ABLIM2: variants seen among roughly 807,000 people sequenced by gnomAD.
The protein encoded by ABLIM2 is actin-binding LIM protein 2.
ABLIM2 carries 53 observed loss-of-function variants against 97.7 expected under a neutral mutation model. That is an observed-to-expected ratio of 0.54 (90% CI 0.44 to 0.68). ABLIM2 has a LOEUF of 0.68. Among genes scored for constraint, ABLIM2 ranks in the 30% least tolerant of loss-of-function variants. The pLI is 0.00. For missense variants in ABLIM2, 835 were observed against 867.2 expected, an observed-to-expected ratio of 0.96 and a Z score of 0.47; for synonymous variants, 361 against 345.8, an observed-to-expected ratio of 1.04 and a Z score of -0.49.
In ABLIM2 at chr4:7,986,470, T is replaced by A. The variant is rs1011986507; in HGVS notation, c.1681-1577A>T. On this transcript the variant is annotated intron_variant, in intron 17 of 20. Coordinates refer to ENST00000447017, the MANE Select transcript of ABLIM2 (RefSeq NM_001130083.2). This position sits in a 1 kb window ranked among gnomAD's most constrained non-coding sequence, Gnocchi z 4.3. ...CAGAGGACTGGAACTGGTCTCTATT[T>A]ACATTTTTGCTATTTTGTTTATCGT... Among the ~76,000 whole-genome samples the A allele has an allele frequency of 6.6e-6, 1 of 152,214 alleles. No homozygotes were observed. The highest frequency in any genetic ancestry group is 2.4e-5 in the African/African-American group (1 of 41,444).
chr4:8,056,376 C>T (rs1182310438), intron 7 of ABLIM2, among the ~76,000 whole-genome samples: 1 of 149,006 alleles, frequency 6.7e-6, no homozygotes, highest in Non-Finnish European at 1.5e-5. Context: ...ATATAGCTCA[C>T]TGCAGCCCCC....
intron 1 of ABLIM2, among the ~76,000 whole-genome samples, chr4:8,154,845 T>TC (rs1435983639): frequency 6.6e-6 from 1 of 152,216 alleles, no homozygotes; most frequent in Non-Finnish European, 1.5e-5. Context: ...GAAATAGGTT[T>TC]CATGGACTTA....
intron 1 of ABLIM2, among the ~76,000 whole-genome samples, chr4:8,110,012 T>G (rs1301847785): frequency 6.6e-6 from 1 of 152,244 alleles, no homozygotes; most frequent in Non-Finnish European, 1.5e-5. Context: ...GTGAAGGCTT[T>G]CTGGGCTGGA....
intron 20 of ABLIM2, among the ~76,000 whole-genome samples, chr4:7,976,788 A>AGTATACACACATACACAT: frequency 6.6e-6 from 1 of 152,082 alleles, no homozygotes. Flanking sequence ...CATACACACA[A>AGTATACACACATACACAT]GTATACACAC....
chr4:8,048,203 C>A (rs902711802), intron 8 of ABLIM2, among the ~76,000 whole-genome samples: 1 of 152,238 alleles, frequency 6.6e-6, no homozygotes, highest in Non-Finnish European at 1.5e-5. Flanking sequence ...GCCTGATTTT[C>A]CCCAGTGGGA....
At chr4:8,086,183 C>T (rs975875785) in intron 4 of ABLIM2, among the ~76,000 whole-genome samples, 1 of 151,194 alleles carries the variant, frequency 6.6e-6, no homozygotes, top group Non-Finnish European at 1.5e-5. Flanking sequence ...TCTAGGGGTC[C>T]GGGGAACATT....
At position 8,140,501 on chromosome 4, in the gene ABLIM2, G is replaced by A. The variant is rs1263022935; in HGVS notation, c.10+18179C>T. Among the ~76,000 whole-genome samples the A allele has an allele frequency of 2.0e-5, 3 of 152,216 alleles. No individual in the cohort carries two copies. The East Asian group carries it at 5.8e-4, about 29-fold the overall frequency. The stretch of plus-strand genomic sequence containing the variant: ...CTGGCGGGGAGCATGGGGGAAAGGG[G>A]GCAGTGACACGGGGGCCTTGCCTGC... On this transcript the variant is annotated intron_variant, in intron 1 of 20. Coordinates refer to ENST00000447017, the MANE Select transcript of ABLIM2 (RefSeq NM_001130083.2). The surrounding 1 kb of genome is among the most constrained non-coding windows in gnomAD (Gnocchi z 5.9).
At chr4:8,105,276 CT>C (rs1268136523) in intron 2 of ABLIM2, among the ~76,000 whole-genome samples, 3 of 152,198 alleles carry the variant, frequency 2.0e-5, no homozygotes, top group African/African-American at 7.2e-5. Context: ...GCATCCCCCC[CT>C]ACACACATAT....
In ABLIM2 at chr4:8,046,905, C is replaced by A. The variant is rs982954386; in HGVS notation, c.823-1664G>T. On this transcript the variant is annotated intron_variant, in intron 8 of 20. Transcript: ENST00000447017. This position sits in a 1 kb window ranked among gnomAD's most constrained non-coding sequence, Gnocchi z 4.4. ...CATCTACGAGCCAACGAGGGAGAAA[C>A]CACCCCAGCTAACCCCGTGATCTTG... Among the ~76,000 whole-genome samples, 1 of 152,172 alleles carries A rather than the reference C, an allele frequency of 6.6e-6. No individual in the cohort carries two copies. Among genetic ancestry groups the A allele is most frequent in the African/African-American group, 2.4e-5 (1 of 41,438 alleles).
chr4:8,017,396 C>T (rs560415232), intron 14 of ABLIM2, among the ~76,000 whole-genome samples: 1 of 152,100 alleles, frequency 6.6e-6, no homozygotes, highest in South Asian at 2.1e-4. Flanking sequence ...AAGCCATTCT[C>T]CTGCCTCAGC....
Position 8,043,028 on chromosome 4 carries a change from G to A in ABLIM2, c.900+2136C>T, listed in dbSNP as rs1789762532. Reference sequence around the variant, plus strand: ...TAGCCAGGTGTGATGGTGCATGCCTGTAGTCCCAGCTACTCGGGATGCTGA... The same window carrying A: ...TAGCCAGGTGTGATGGTGCATGCCTATAGTCCCAGCTACTCGGGATGCTGA... On this transcript the variant is annotated intron_variant, in intron 9 of 20. Transcript: ENST00000447017. This position sits in a 1 kb window ranked among gnomAD's most constrained non-coding sequence, Gnocchi z 4.8. 6.6e-6 allele frequency among the ~76,000 whole-genome samples: 1 copy of A among 151,928 alleles called. No homozygotes were observed. Among genetic ancestry groups the A allele is most frequent in the African/African-American group, 2.4e-5 (1 of 41,338 alleles).
chr4:8,027,663 C>G, intron 12 of ABLIM2, 96 bp downstream of exon 12: 1 of 981,094 alleles, frequency 1.0e-6, no homozygotes, highest in South Asian at 2.1e-5. Context: ...AACAGGGGCT[C>G]CGGTGAAGCC....
intron 1 of ABLIM2, among the ~76,000 whole-genome samples, chr4:8,108,906 G>A (rs1838870246): frequency 6.6e-6 from 1 of 152,246 alleles, no homozygotes; most frequent in African/African-American, 2.4e-5. Context: ...CCGGCCTTGA[G>A]ACCAGGCTGT....
At position 8,091,342 on chromosome 4, in the gene ABLIM2, T is replaced by A. The variant is rs75175939; in HGVS notation, c.339-3058A>T. Among the ~76,000 whole-genome samples, 15 of 28,178 alleles carry A rather than the reference T, an allele frequency of 5.3e-4. 3 individuals carry two copies. Among genetic ancestry groups the A allele is most frequent in the East Asian group, 2.5e-3 (3 of 1,182 alleles). The allele number at this position is 28,178 out of a possible 152,430, so 18.5% of individuals were successfully genotyped here. ...AATTATATATATATTATATATATAATATATATATAATTATATATATATTAT... is the reference window on the plus strand; with the variant it reads ...AATTATATATATATTATATATATAAAATATATATAATTATATATATATTAT... On this transcript the variant is annotated intron_variant, in intron 3 of 20. Transcript: ENST00000447017.
chr4:8,137,892 T>C (rs1237303581), intron 1 of ABLIM2, among the ~76,000 whole-genome samples: 3 of 152,172 alleles, frequency 2.0e-5, no homozygotes, highest in Non-Finnish European at 4.4e-5. Flanking sequence ...CTTAGTCACA[T>C]CAGCCAAGAG....
Position 8,020,209 on chromosome 4 carries a change from G to A in ABLIM2, c.1362C>T (p.His454=), listed in dbSNP as rs773690721. The A allele has an allele frequency of 1.1e-5, 17 of 1,613,184 alleles. No individual in the cohort carries two copies. The highest frequency in any genetic ancestry group is 3.3e-4 in the Middle Eastern group (2 of 6,010). The change falls in exon 13 of 21, where the codon CAC becomes CAT. Residue 454 remains histidine, a synonymous_variant. Coordinates refer to ENST00000447017, the MANE Select transcript of ABLIM2 (RefSeq NM_001130083.2). ...GCGTGTCCCGGAGCCTACCTGGGACGTGGAAGTGGCGAGGTGCCTGCTGGT... is the reference window on the plus strand; with the variant it reads ...GCGTGTCCCGGAGCCTACCTGGGACATGGAAGTGGCGAGGTGCCTGCTGGT... The part of the protein sequence containing the change: ...STYQQAPRHF[H]VPDTGVKDNI...
At chr4:7,980,949 T>A (rs959336648) in intron 20 of ABLIM2, among the ~76,000 whole-genome samples, 13 of 126,576 alleles carry the variant, frequency 1.0e-4, no homozygotes, top group Admixed American at 6.5e-4. Context: ...TTATTTTTTT[T>A]TTTTTTTTTT....
intron 1 of ABLIM2, among the ~76,000 whole-genome samples, chr4:8,133,339 G>A (rs1849695423): frequency 6.6e-6 from 1 of 151,930 alleles, no homozygotes; most frequent in Non-Finnish European, 1.5e-5. Flanking sequence ...TTTCATCAGG[G>A]GACCTACACC....
intron 1 of ABLIM2, 57 bp from the exon 2 acceptor site, chr4:8,106,694 G>A: frequency 6.5e-7 from 1 of 1,544,110 alleles, no homozygotes; most frequent in Non-Finnish European, 8.7e-7. Flanking sequence ...GCACAAAGGT[G>A]AGCAAAGCAG....
Sources: gnomAD v4.1 joint callset for allele counts (sites outside exome capture counted in the v4.1 genomes callset) on GRCh38, gnomAD v4.1.1 for gene constraint, Gnocchi (gnomAD v3.1) non-coding constraint, MANE v1.5 for transcripts, NCBI Gene and HGNC (gene_info 2026-07-23, HGNC 2026-07-21) for gene names.